The following SOX6 variants were observed in gnomAD, a reference collection of about 807,000 sequenced individuals.
SOX6 encodes SRY-box transcription factor 6.
Under a neutral mutation model 97.8 loss-of-function variants are expected in SOX6, and 11 were observed. The observed-to-expected ratio is 0.11, with a 90% CI of 0.07 to 0.19. The LOEUF (loss-of-function observed/expected upper bound fraction) is 0.19, where lower values mean the gene tolerates loss of function less well. Ranked by LOEUF, SOX6 falls within the 10% of genes least tolerant of loss-of-function variation. The probability of loss-of-function intolerance (pLI) is 1.00; values close to 1 mark genes in which losing one functional copy is unlikely to be tolerated. For synonymous variants in SOX6, 360 were observed against 371.4 expected, an observed-to-expected ratio of 0.97 and a Z score of 0.35; for missense variants, 810 against 1,039.5, an observed-to-expected ratio of 0.78 and a Z score of 3.04.
chr11:16,225,609 T>C (rs977800099), intron 4 of SOX6, among the ~76,000 whole-genome samples: 1 of 152,136 alleles, frequency 6.6e-6, no homozygotes, highest in Non-Finnish European at 1.5e-5. Flanking sequence ...GATTTTAAGA[T>C]AGTAACCTGT....
chr11:16,528,430 G>A (rs1861197719), intron 4 of SOX6, among the ~76,000 whole-genome samples: 1 of 152,052 alleles, frequency 6.6e-6, no homozygotes, highest in Non-Finnish European at 1.5e-5. Context: ...GAGGGTGTGT[G>A]AAGGGAGGGC....
intron 9 of SOX6, among the ~76,000 whole-genome samples, chr11:16,067,584 A>T (rs770044768): frequency 7.2e-5 from 11 of 152,160 alleles, no homozygotes; most frequent in Non-Finnish European, 1.5e-4. Flanking sequence ...AGTCTCTGGT[A>T]TGTCCTCATT....
intron 6 of SOX6, among the ~76,000 whole-genome samples, chr11:16,135,275 C>T: frequency 6.6e-6 from 1 of 152,200 alleles, no homozygotes; most frequent in Non-Finnish European, 1.5e-5. Context: ...TAACCCAACA[C>T]TCATTTTGCA....
At chr11:16,258,902 A>T (rs1853785007) in intron 3 of SOX6, among the ~76,000 whole-genome samples, 1 of 151,672 alleles carries the variant, frequency 6.6e-6, no homozygotes, top group Non-Finnish European at 1.5e-5. Flanking sequence ...ACATATATAC[A>T]TATATACACA....
At position 16,626,945 on chromosome 11, in the gene SOX6, C is replaced by T. The variant is rs529541784; in HGVS notation, n.430-14685G>A. ...TCACCCAGGCAGTGAACATAATACC[C>T]AATAGTTTTTCAACCCATTCCCACC... On this transcript the variant is annotated intron_variant and non_coding_transcript_variant, in intron 3 of 5. Transcript: ENST00000524520. 2.6e-5 allele frequency among the ~76,000 whole-genome samples: 4 copies of T among 152,178 alleles called. No individual in the cohort carries two copies. In the East Asian group the frequency reaches 7.7e-4, roughly 29 times the overall value.
intron 4 of SOX6, among the ~76,000 whole-genome samples, chr11:16,193,280 C>G (rs1304151827): frequency 6.6e-6 from 1 of 151,940 alleles, no homozygotes; most frequent in African/African-American, 2.4e-5. Context: ...GCTAAGGTGG[C>G]AGCATCTCTT....
At chr11:16,027,782 A>G (rs1222412055) in intron 12 of SOX6, among the ~76,000 whole-genome samples, 2 of 152,236 alleles carry the variant, frequency 1.3e-5, no homozygotes, top group East Asian at 3.8e-4. Flanking sequence ...GAACACGTAC[A>G]TGCTCACCGC....
chr11:16,467,024 C>A (rs1381328123), intron 1 of SOX6, among the ~76,000 whole-genome samples: 4 of 147,236 alleles, frequency 2.7e-5, no homozygotes, highest in Admixed American at 6.8e-5. Flanking sequence ...ATGTGGCCAA[C>A]AATCATATGA....
chr11:16,671,714 G>T (rs1847848825), intron 3 of SOX6, among the ~76,000 whole-genome samples: 1 of 152,164 alleles, frequency 6.6e-6, no homozygotes, highest in African/African-American at 2.4e-5. Flanking sequence ...CAAACAACTT[G>T]GAAAACATAT....
chr11:16,000,314 T>C (rs1854366286), intron 13 of SOX6, among the ~76,000 whole-genome samples: 1 of 152,224 alleles, frequency 6.6e-6, no homozygotes, highest in Admixed American at 6.5e-5. Context: ...GTTCATCTTC[T>C]GAGAAGAAGA....
chr11:16,249,511 T>G (rs1380522487), intron 3 of SOX6, among the ~76,000 whole-genome samples: 1 of 152,190 alleles, frequency 6.6e-6, no homozygotes, highest in Admixed American at 6.5e-5. Context: ...TTCCAAACTT[T>G]TCCACATCTT....
intron 3 of SOX6, among the ~76,000 whole-genome samples, chr11:16,685,172 C>T (rs1250341279): frequency 2.0e-5 from 3 of 151,920 alleles, no homozygotes; most frequent in Non-Finnish European, 4.4e-5. Context: ...CATTCCTGGC[C>T]CCTCAGAGCT....
intron 4 of SOX6, among the ~76,000 whole-genome samples, chr11:16,608,593 G>A (rs1162105344): frequency 1.3e-5 from 2 of 151,214 alleles, no homozygotes; most frequent in African/African-American, 4.9e-5. Context: ...TGGAGGAGGA[G>A]GCGTTGAAAA....
At chr11:16,041,406 G>T (rs1855659424) in intron 12 of SOX6, among the ~76,000 whole-genome samples, 1 of 152,078 alleles carries the variant, frequency 6.6e-6, no homozygotes, top group Admixed American at 6.6e-5. Context: ...AAAGGGGGCA[G>T]TATTACATCA....
At chr11:16,017,484 C>A (rs991734196) in intron 12 of SOX6, among the ~76,000 whole-genome samples, 2 of 152,076 alleles carry the variant, frequency 1.3e-5, no homozygotes, top group Non-Finnish European at 2.9e-5. Flanking sequence ...CATGCCATTT[C>A]ATATAAATTT....
intron 3 of SOX6, among the ~76,000 whole-genome samples, chr11:16,667,857 C>T (rs1847818611): frequency 6.6e-6 from 1 of 151,988 alleles, no homozygotes; most frequent in African/African-American, 2.4e-5. Context: ...GATGAACCCA[C>T]CAAAAGTAAT....
chr11:16,251,751 G>GA lies in SOX6; in HGVS notation c.446-17081dup, dbSNP rs199568806. ...AGCCAAATATCGACAGGGACATTAT[G>GA]AAAAAAAAATAACTTCCAGAATCTC... On this transcript the variant is annotated intron_variant, in intron 3 of 15. Coordinates refer to ENST00000683767, the MANE Select transcript of SOX6 (RefSeq NM_001367873.1). Among the ~76,000 whole-genome samples, 92 of 149,542 alleles carry GA rather than the reference G, an allele frequency of 6.2e-4. 1 individual carries two copies. The highest frequency in any genetic ancestry group is 3.4e-3 in the Middle Eastern group (1 of 294).
chr11:16,603,882 C>A (rs777071571), intron 4 of SOX6, among the ~76,000 whole-genome samples: 2 of 152,212 alleles, frequency 1.3e-5, no homozygotes, highest in Non-Finnish European at 2.9e-5. Context: ...CACGGCCTCC[C>A]GAGGCTGCCC....
chr11:16,430,791 T>C (rs1859257598), intron 1 of SOX6, among the ~76,000 whole-genome samples: 2 of 152,218 alleles, frequency 1.3e-5, no homozygotes, highest in Admixed American at 1.3e-4. Context: ...CTCCCTGCTA[T>C]AGTCTATACT....
Sources: gnomAD v4.1 joint callset for allele counts (sites outside exome capture counted in the v4.1 genomes callset) on GRCh38, gnomAD v4.1.1 for gene constraint, MANE v1.5 for transcripts, NCBI Gene and HGNC (gene_info 2026-07-23, HGNC 2026-07-21) for gene names.